The following TULP2 variants were observed in gnomAD, a reference collection of about 807,000 sequenced individuals.
TULP2 encodes the protein tubby-related protein 2.
A neutral mutation model predicts 60.3 loss-of-function variants in TULP2; 64 were observed. The observed-to-expected ratio is 1.06, with a 90% CI of 0.87 to 1.31. TULP2 has a LOEUF of 1.31. TULP2 is among the 50% of genes most tolerant of loss of function. TULP2 has a pLI of 0.00. For synonymous variants in TULP2, 267 were observed against 265.4 expected, an observed-to-expected ratio of 1.01 and a Z score of -0.06; for missense variants, 652 against 667.0, an observed-to-expected ratio of 0.98 and a Z score of 0.25.
chr19:48,882,108 A>C lies in TULP2; in HGVS notation c.1371T>G (p.Gly457=). ...NKTPSWDKEN[G]VYTLNFHGRV... ...GACCATGGAAATTGAGCGTGTAGACACCGTTCTCCTTGTCCCACGACGGGG... is the reference window on the plus strand; with the variant it reads ...GACCATGGAAATTGAGCGTGTAGACCCCGTTCTCCTTGTCCCACGACGGGG... Residue 457 remains glycine (G), a synonymous_variant, in exon 12 of 13, where the codon GGT becomes GGG. Transcript: ENST00000221399. 6.2e-7 allele frequency: 1 copy of C among 1,613,978 alleles called. No individual in the cohort carries two copies. Among genetic ancestry groups the C allele is most frequent in the Non-Finnish European group, 8.5e-7 (1 of 1,179,982 alleles).
At chr19:48,881,980 A>G (rs544203030) in intron 12 of TULP2, 52 bp downstream of exon 12, 235 of 1,613,080 alleles carry the variant, frequency 1.5e-4, no homozygotes, top group Non-Finnish European at 1.8e-4. Flanking sequence ...TTCCGTTCAC[A>G]CCCTAACCCC....
intron 6 of TULP2, among the ~76,000 whole-genome samples, chr19:48,891,334 A>AG (rs1480566688): frequency 7.3e-6 from 1 of 136,784 alleles, no homozygotes. Context: ...AAAAAAAAAA[A>AG]AAAAATTTGT....
chr19:48,896,296 C>T (rs2037280440), intron 4 of TULP2, 134 bp downstream of exon 4: 1 of 1,324,584 alleles, frequency 7.5e-7, no homozygotes, highest in African/African-American at 1.5e-5. Flanking sequence ...TAAAGCTCTC[C>T]TGGGCCAAGG....
chr19:48,896,889 A>AC (rs913067966), intron 3 of TULP2: 5 of 259,178 alleles, frequency 1.9e-5, no homozygotes, highest in Admixed American at 1.1e-4. Context: ...TTCCTTTCTT[A>AC]CTTTTTTTTT....
chr19:48,885,619 C>A, intron 8 of TULP2, 59 bp from the exon 9 acceptor site: 1 of 1,517,044 alleles, frequency 6.6e-7, no homozygotes. Context: ...TGTGGTGGCT[C>A]ATGCCTGTAA....
intron 3 of TULP2, 88 bp from the exon 4 acceptor site, chr19:48,896,644 G>T (rs1241158409): frequency 9.7e-6 from 14 of 1,441,964 alleles, no homozygotes; most frequent in Non-Finnish European, 1.3e-5. Context: ...GGCTCGCATC[G>T]GCGCGAGAGT....
chr19:48,885,672 A>G, intron 8 of TULP2, 112 bp from the exon 9 acceptor site: 2 of 874,988 alleles, frequency 2.3e-6, no homozygotes, highest in South Asian at 3.1e-5. Context: ...TCACTTGAGG[A>G]CAGGAGTTCG....
Position 48,885,452 on chromosome 19 carries a change from C to G in TULP2, c.1057G>C (p.Val353Leu), listed in dbSNP as rs761594427. ...SRDGDNFVGK[V>L]RSNVFSTKFT... ...ACATGTCAGAGCTCTACCCACCTGA[C>G]TTTGCCCACGAAATTGTCCCCGTCC... The change falls in exon 9 of 13, where the codon GTC becomes CTC. Residue 353 changes from valine (V) to leucine (L), a missense_variant. Coordinates refer to ENST00000221399, the MANE Select transcript of TULP2 (RefSeq NM_003323.3). 1.9e-6 allele frequency: 3 copies of G among 1,613,846 alleles called. No individual in the cohort carries two copies. The highest frequency in any genetic ancestry group is 1.3e-5 in the African/African-American group (1 of 75,002).
At chr19:48,881,209 T>TTTA in intron 12 of TULP2, 83 bp from the exon 13 acceptor site, 1 of 351,194 alleles carries the variant, frequency 2.8e-6, no homozygotes, top group Non-Finnish European at 4.1e-6. Context: ...TTTTTTTTTT[T>TTTA]TCTTTTTTTT....
intron 12 of TULP2, 89 bp from the exon 13 acceptor site, chr19:48,881,215 T>C (rs1293788626): frequency 1.2e-5 from 7 of 569,216 alleles, no homozygotes; most frequent in South Asian, 5.7e-5. Context: ...TTTTTTCTTT[T>C]TTTTTTTTTT....
chr19:48,898,106 G>C (rs1442669955), intron 1 of TULP2, among the ~76,000 whole-genome samples: 4 of 151,824 alleles, frequency 2.6e-5, no homozygotes, highest in Non-Finnish European at 5.9e-5. Context: ...CGAGTAGCTG[G>C]GACTACAGGC....
At chr19:48,884,095 T>A in intron 9 of TULP2, 49 bp from the exon 10 acceptor site, 6 of 1,460,660 alleles carry the variant, frequency 4.1e-6, no homozygotes, top group Non-Finnish European at 3.8e-6. Flanking sequence ...GTGTTACTCT[T>A]TGAGTAAGTG....
Position 48,897,795 on chromosome 19 carries a change from C to T in TULP2, c.32+42G>A. ...AGAGCCGAGTGCACGGGGTCCCCAGCCCTTTCCACCTCCACCCCTACCCAT... is the reference window on the plus strand; with the variant it reads ...AGAGCCGAGTGCACGGGGTCCCCAGTCCTTTCCACCTCCACCCCTACCCAT... On this transcript the variant is annotated intron_variant, in intron 2 of 12. Transcript: ENST00000221399. This position sits in a 1 kb window ranked among gnomAD's most constrained non-coding sequence, Gnocchi z 4.0. 1 of 1,611,050 alleles carries T rather than the reference C, an allele frequency of 6.2e-7. No homozygotes were observed. The highest frequency in any genetic ancestry group is 1.3e-5 in the African/African-American group (1 of 74,934).
chr19:48,881,262 T>G (rs2037129201), intron 12 of TULP2, 136 bp from the exon 13 acceptor site: 2 of 548,110 alleles, frequency 3.6e-6, no homozygotes, highest in Non-Finnish European at 6.2e-6. Context: ...CAGGCTGGAG[T>G]GCAGTGACCT....
rs1474882295 is a variant in TULP2, at chr19:48,888,253, G to C, written c.645C>G (p.Asp215Glu). ...CAGAGGCCTCTCTCTTCTTTTCCAAGTCTTCTTCCTAGCCCAGGCACCAAA... is the reference window on the plus strand; with the variant it reads ...CAGAGGCCTCTCTCTTCTTTTCCAACTCTTCTTCCTAGCCCAGGCACCAAA... The part of the protein sequence containing the change: ...YENLAFQKEE[D>E]LEKKREASES... Residue 215 changes from aspartate to glutamate, a missense_variant, in exon 8 of 13, where the codon GAC becomes GAG. Asp to Glu is a conservative substitution (Grantham distance 45, BLOSUM62 2). Coordinates refer to ENST00000221399, the MANE Select transcript of TULP2 (RefSeq NM_003323.3). 6.3e-7 allele frequency: 1 copy of C among 1,589,544 alleles called. No individual in the cohort carries two copies. The highest frequency in any genetic ancestry group is 8.6e-7 in the Non-Finnish European group (1 of 1,163,444).
chr19:48,890,396 T>G (rs1212076797), intron 6 of TULP2, among the ~76,000 whole-genome samples: 2 of 152,214 alleles, frequency 1.3e-5, no homozygotes, highest in African/African-American at 4.8e-5. Flanking sequence ...CCCTGACACA[T>G]CCCCCTCTCG....
Position 48,897,544 on chromosome 19 carries a change from C to T in TULP2, c.33-148G>A. ...AGGTGCAGAACCTGAGCCTGCTCCACCAGTTATAGGGCCCTTTCTCCTGGC... is the reference window on the plus strand; with the variant it reads ...AGGTGCAGAACCTGAGCCTGCTCCATCAGTTATAGGGCCCTTTCTCCTGGC... On this transcript the variant is annotated intron_variant, in intron 2 of 12. Coordinates refer to ENST00000221399, the MANE Select transcript of TULP2 (RefSeq NM_003323.3). The surrounding 1 kb of genome is among the most constrained non-coding windows in gnomAD (Gnocchi z 4.0). 1 of 794,738 alleles carries T rather than the reference C, an allele frequency of 1.3e-6. No homozygotes were observed. Among genetic ancestry groups the T allele is most frequent in the Non-Finnish European group, 2.1e-6 (1 of 481,776 alleles). The allele number at this position is 794,738 out of a possible 1,614,324, so 49.2% of individuals were successfully genotyped here.
chr19:48,883,448 G>A (rs558208657), intron 11 of TULP2, among the ~76,000 whole-genome samples: 3 of 152,108 alleles, frequency 2.0e-5, no homozygotes, highest in South Asian at 2.1e-4. Flanking sequence ...TTGACTCTAC[G>A]GACTGGCCCC....
chr19:48,882,192 C>T lies in TULP2; in HGVS notation c.1287G>A (p.Ser429=), dbSNP rs372969646. 39 of 1,613,972 alleles carry T rather than the reference C, an allele frequency of 2.4e-5. 1 individual carries two copies. The highest frequency in any genetic ancestry group is 6.6e-5 in the South Asian group (6 of 91,088). ...INVQPLNEQE[S]LLSRYQRGDK... is the part of the protein sequence containing the mutation. Reference sequence around the variant, plus strand: ...CCCCACGTTGGTAACGACTCAGTAGCGACTCCTGTTCCTAGAAGGTAAAGA... The same window carrying T: ...CCCCACGTTGGTAACGACTCAGTAGTGACTCCTGTTCCTAGAAGGTAAAGA... The change falls in exon 12 of 13, where the codon TCG becomes TCA. Residue 429 remains serine, a synonymous_variant. Coordinates refer to ENST00000221399, the MANE Select transcript of TULP2 (RefSeq NM_003323.3).
Sources: gnomAD v4.1 joint callset for allele counts (sites outside exome capture counted in the v4.1 genomes callset) on GRCh38, gnomAD v4.1.1 for gene constraint, Gnocchi (gnomAD v3.1) non-coding constraint, MANE v1.5 for transcripts, NCBI Gene and HGNC (gene_info 2026-07-23, HGNC 2026-07-21) for gene names.